The following NAV3 variants were observed in gnomAD, a reference collection of about 807,000 sequenced individuals.
NAV3 encodes pore membrane and/or filament interacting like protein 1.
Under a neutral mutation model 244.7 loss-of-function variants are expected in NAV3, and 87 were observed. The observed-to-expected ratio is 0.36, with a 90% CI of 0.30 to 0.42. The LOEUF (loss-of-function observed/expected upper bound fraction) is 0.42, where lower values mean the gene tolerates loss of function less well. Among genes scored for constraint, NAV3 ranks in the 20% least tolerant of loss-of-function variants. NAV3 has a pLI of 1.00. For synonymous variants in NAV3, 1,126 were observed against 1,042.2 expected, an observed-to-expected ratio of 1.08 and a Z score of -1.55; for missense variants, 2,663 against 2,893.3, an observed-to-expected ratio of 0.92 and a Z score of 1.83.
chr12:78,055,243 CAT>C (rs1883314732), intron 11 of NAV3, among the ~76,000 whole-genome samples: 1 of 1,052 alleles, frequency 9.5e-4, no homozygotes, highest in Non-Finnish European at 2.6e-3. Context: ...TGTATATATA[CAT>C]ATATATGCAC....
At chr12:78,073,793 C>T (rs1207958953) in intron 12 of NAV3, among the ~76,000 whole-genome samples, 4 of 152,082 alleles carry the variant, frequency 2.6e-5, no homozygotes, top group Admixed American at 2.6e-4. Context: ...TCAAACTATA[C>T]TACAAGGCTA....
intron 2 of NAV3, among the ~76,000 whole-genome samples, chr12:77,725,840 C>T (rs183424742): frequency 1.3e-5 from 2 of 151,984 alleles, no homozygotes; most frequent in African/African-American, 2.4e-5. Context: ...GATCTGTGGG[C>T]GAATCCATTT....
intron 9 of NAV3, among the ~76,000 whole-genome samples, chr12:78,043,517 A>G (rs1484377070): frequency 2.6e-5 from 4 of 152,160 alleles, no homozygotes; most frequent in African/African-American, 9.7e-5. Flanking sequence ...ACTGTCTTCC[A>G]CAGTGGTTGA....
At chr12:77,789,523 A>C (rs1036919666) in intron 2 of NAV3, among the ~76,000 whole-genome samples, 2 of 134,154 alleles carry the variant, frequency 1.5e-5, no homozygotes, top group African/African-American at 5.3e-5. Flanking sequence ...AAAAAAAAAA[A>C]GTCAACTGGG....
At chr12:77,815,980 A>G (rs2136015039) in intron 2 of NAV3, among the ~76,000 whole-genome samples, 1 of 152,302 alleles carries the variant, frequency 6.6e-6, no homozygotes, top group South Asian at 2.1e-4. Flanking sequence ...AGCTGGTATC[A>G]TATATCAAAT....
At chr12:77,761,481 T>C in intron 2 of NAV3, among the ~76,000 whole-genome samples, 1 of 152,182 alleles carries the variant, frequency 6.6e-6, no homozygotes, top group East Asian at 1.9e-4. Context: ...CTATTCCAAG[T>C]GAACAGGCAA....
intron 2 of NAV3, among the ~76,000 whole-genome samples, chr12:77,587,145 CATAA>C (rs1479702068): frequency 6.6e-6 from 1 of 152,026 alleles, no homozygotes; most frequent in East Asian, 1.9e-4. Context: ...ATTGTATTAT[CATAA>C]ATTATTATCT....
intron 2 of NAV3, among the ~76,000 whole-genome samples, chr12:77,631,651 T>C (rs1871905099): frequency 6.6e-6 from 1 of 152,144 alleles, no homozygotes; most frequent in African/African-American, 2.4e-5. Context: ...ATAATAATAT[T>C]GACATTGACA....
At chr12:77,967,762 A>G (rs566614551) in intron 4 of NAV3, among the ~76,000 whole-genome samples, 5 of 152,242 alleles carry the variant, frequency 3.3e-5, no homozygotes, top group African/African-American at 9.6e-5. Flanking sequence ...TCAATATTTG[A>G]AAATCTTACA....
chr12:77,963,601 A>C (rs1892228236), intron 3 of NAV3, among the ~76,000 whole-genome samples: 1 of 152,198 alleles, frequency 6.6e-6, no homozygotes. Flanking sequence ...AATGCACTTT[A>C]ATGAACTAGC....
At chr12:77,809,558 A>G (rs976833498) in intron 2 of NAV3, among the ~76,000 whole-genome samples, 2 of 152,128 alleles carry the variant, frequency 1.3e-5, no homozygotes, top group Admixed American at 1.3e-4. Flanking sequence ...AACTGCAGAA[A>G]TCACCGGCCT....
intron 12 of NAV3, among the ~76,000 whole-genome samples, chr12:78,084,752 T>C (rs1040006204): frequency 9.2e-5 from 14 of 152,198 alleles, no homozygotes; most frequent in African/African-American, 3.4e-4. Flanking sequence ...AACTAATCAA[T>C]GACTTTCTTA....
At chr12:77,663,990 G>A (rs1565760675) in intron 2 of NAV3, among the ~76,000 whole-genome samples, 1 of 152,186 alleles carries the variant, frequency 6.6e-6, no homozygotes, top group Non-Finnish European at 1.5e-5. Context: ...TGATTGAAAA[G>A]TCCTGGTGTA....
At chr12:77,871,546 T>C (rs1880959346) in intron 1 of NAV3, among the ~76,000 whole-genome samples, 1 of 152,226 alleles carries the variant, frequency 6.6e-6, no homozygotes, top group South Asian at 2.1e-4. Context: ...TGTTTGGTTT[T>C]CTGTTCCTGT....
At chr12:77,629,996 C>A (rs1871814135) in intron 2 of NAV3, among the ~76,000 whole-genome samples, 1 of 152,148 alleles carries the variant, frequency 6.6e-6, no homozygotes. Context: ...GTGTTGGGGT[C>A]AATGAATGGC....
At chr12:78,031,815 G>A (rs1593330004) in intron 9 of NAV3, among the ~76,000 whole-genome samples, 1 of 151,458 alleles carries the variant, frequency 6.6e-6, no homozygotes, top group Admixed American at 6.6e-5. Context: ...CAGCGCACCA[G>A]CATGGCACAT....
chr12:78,117,392 A>ATATATATT (rs1319291119), intron 13 of NAV3, among the ~76,000 whole-genome samples: 4 of 142,222 alleles, frequency 2.8e-5, no homozygotes, highest in African/African-American at 1.0e-4. Flanking sequence ...TATTATATAA[A>ATATATATT]TATATATTTA....
chr12:77,841,833 C>T (rs780807196), intron 1 of NAV3, among the ~76,000 whole-genome samples: 2 of 152,138 alleles, frequency 1.3e-5, no homozygotes, highest in Non-Finnish European at 2.9e-5. Flanking sequence ...AGCCAGCCAT[C>T]AGTGAAAGAG....
chr12:78,147,827 C>G (rs1311208680), intron 21 of NAV3, among the ~76,000 whole-genome samples: 1 of 152,018 alleles, frequency 6.6e-6, no homozygotes, highest in Non-Finnish European at 1.5e-5. Context: ...AAAAGTTCAA[C>G]TACAACTATA....
Sources: gnomAD v4.1 joint callset for allele counts (sites outside exome capture counted in the v4.1 genomes callset) on GRCh38, gnomAD v4.1.1 for gene constraint, MANE v1.5 for transcripts, NCBI Gene and HGNC (gene_info 2026-07-23, HGNC 2026-07-21) for gene names.